TBL1Y: variants seen among roughly 807,000 people sequenced by gnomAD.
TBL1Y encodes F-box-like/WD repeat-containing protein TBL1Y.
Under a neutral mutation model 12.0 loss-of-function variants are expected in TBL1Y, and 15 were observed. That is an observed-to-expected ratio of 1.25 (90% confidence interval 0.83 to 1.92). TBL1Y has a LOEUF of 1.92. Among genes scored for constraint, TBL1Y ranks in the 40% most tolerant of loss-of-function variants. TBL1Y has a pLI of 0.00. For synonymous variants in TBL1Y, 53 were observed against 42.6 expected (o/e 1.24, Z -0.95); for missense variants, 148 against 116.7 (o/e 1.27, Z -1.24).
intron 4 of TBL1Y, among the ~76,000 whole-genome samples, chrY:7,015,749 C>T (rs1028828558): frequency 3.9e-4 from 13 of 33,572 alleles, no homozygotes; most frequent in African/African-American, 1.5e-3. Flanking sequence ...ATTTAACCCA[C>T]TGTTGCCAAT....
At chrY:7,060,444 G>T (rs2012854328) in intron 7 of TBL1Y, among the ~76,000 whole-genome samples, 1 of 29,499 alleles carries the variant, frequency 3.4e-5, no homozygotes, top group Admixed American at 3.1e-4. Context: ...TTTATTTTAG[G>T]ACAAGAATTT....
At chrY:7,079,049 C>G in intron 13 of TBL1Y, among the ~76,000 whole-genome samples, 1 of 33,792 alleles carries the variant, frequency 3.0e-5, no homozygotes, top group Non-Finnish European at 7.3e-5. Flanking sequence ...CCCCACCACT[C>G]TCTGCTAGAG....
intron 2 of TBL1Y, among the ~76,000 whole-genome samples, chrY:6,945,545 A>G (rs2011979285): frequency 3.1e-5 from 1 of 32,683 alleles, no homozygotes; most frequent in Non-Finnish European, 7.5e-5. Flanking sequence ...AATAGCTTGG[A>G]CTACAGGCAC....
At chrY:6,958,717 C>T in intron 2 of TBL1Y, among the ~76,000 whole-genome samples, 1 of 33,935 alleles carries the variant, frequency 2.9e-5, no homozygotes, top group Non-Finnish European at 7.3e-5. Flanking sequence ...TATGACTGGA[C>T]GTGTACGTAA....
intron 3 of TBL1Y, among the ~76,000 whole-genome samples, chrY:6,991,788 A>G (rs2012365954): frequency 2.9e-5 from 1 of 34,063 alleles, no homozygotes; most frequent in Non-Finnish European, 7.3e-5. Context: ...CAGTGTTACT[A>G]GTCTTTTACA....
At chrY:6,938,036 C>G in intron 2 of TBL1Y, among the ~76,000 whole-genome samples, 1 of 33,548 alleles carries the variant, frequency 3.0e-5, no homozygotes, top group Non-Finnish European at 7.4e-5. Flanking sequence ...CCCAAAGCCA[C>G]AACCCTGAAT....
chrY:6,960,964 C>T, intron 2 of TBL1Y, among the ~76,000 whole-genome samples: 1 of 33,442 alleles, frequency 3.0e-5, no homozygotes, highest in Admixed American at 2.7e-4. Flanking sequence ...CATTAAGCAT[C>T]CTGGTGCTTT....
At chrY:7,069,920 G>C in intron 8 of TBL1Y, among the ~76,000 whole-genome samples, 3 of 33,050 alleles carry the variant, frequency 9.1e-5, no homozygotes, top group Admixed American at 8.3e-4. Context: ...GCAGTTTACT[G>C]TCCTTGACCT....
chrY:7,071,698 G>T (rs1455035772), intron 11 of TBL1Y, 35 bp from the exon 12 acceptor site: 1 of 393,901 alleles, frequency 2.5e-6, no homozygotes. Context: ...AACAGACCAT[G>T]ACAACAGAAT....
chrY:6,932,495 C>T, intron 2 of TBL1Y, among the ~76,000 whole-genome samples: 1 of 33,458 alleles, frequency 3.0e-5, no homozygotes, highest in Non-Finnish European at 7.4e-5. Flanking sequence ...TGTTTTGAGA[C>T]AAGAGTCTCA....
chrY:7,087,495 G>A, intron 17 of TBL1Y, 63 bp downstream of exon 17: 1 of 357,934 alleles, frequency 2.8e-6, no homozygotes, highest in Admixed American at 7.9e-5. Flanking sequence ...CTATTCCAGT[G>A]TCTCTGGTTC....
intron 2 of TBL1Y, among the ~76,000 whole-genome samples, chrY:6,913,069 T>G: frequency 3.1e-5 from 1 of 32,337 alleles, no homozygotes; most frequent in Non-Finnish European, 7.5e-5. Flanking sequence ...AAGCCCTGTT[T>G]TGGGGACTTT....
chrY:7,040,708 A>G, intron 6 of TBL1Y, among the ~76,000 whole-genome samples: 1 of 34,135 alleles, frequency 2.9e-5, no homozygotes, highest in East Asian at 7.8e-4. Flanking sequence ...CACATAGCCT[A>G]TGGTTCACAT....
chrY:6,984,079 T>C (rs1056576861), intron 3 of TBL1Y, among the ~76,000 whole-genome samples: 2 of 33,212 alleles, frequency 6.0e-5, no homozygotes, highest in Admixed American at 5.4e-4. Flanking sequence ...GATCTTTCTA[T>C]GAGCTGCCCC....
intron 6 of TBL1Y, among the ~76,000 whole-genome samples, chrY:7,025,727 C>A (rs2124153372): frequency 1.2e-4 from 4 of 33,680 alleles, no homozygotes; most frequent in Admixed American, 1.1e-3. Flanking sequence ...GTTATAGTTA[C>A]ATTTGCACTG....
intron 7 of TBL1Y, among the ~76,000 whole-genome samples, chrY:7,062,956 C>A: frequency 2.9e-5 from 1 of 33,944 alleles, no homozygotes; most frequent in Non-Finnish European, 7.3e-5. Flanking sequence ...TTTCCCTGGT[C>A]TGTGCACAGA....
intron 7 of TBL1Y, among the ~76,000 whole-genome samples, chrY:7,055,940 C>A: frequency 3.0e-5 from 1 of 33,553 alleles, no homozygotes; most frequent in Non-Finnish European, 7.3e-5. Flanking sequence ...CCTTTCAATT[C>A]TTCCTTGTTT....
chrY:7,029,603 T>C (rs752304928), intron 6 of TBL1Y, among the ~76,000 whole-genome samples: 3 of 34,024 alleles, frequency 8.8e-5, no homozygotes, highest in Non-Finnish European at 1.5e-4. Flanking sequence ...GGGAAAATAC[T>C]GTCTAAAGAG....
intron 7 of TBL1Y, among the ~76,000 whole-genome samples, chrY:7,063,321 C>G: frequency 2.9e-5 from 1 of 34,043 alleles, no homozygotes; most frequent in Non-Finnish European, 7.3e-5. Flanking sequence ...AGCGCACACT[C>G]GGACAAGGGA....
Sources: allele counts gnomAD v4.1 joint callset (sites outside exome capture counted in the v4.1 genomes callset), GRCh38; gene constraint gnomAD v4.1.1; transcripts MANE v1.5; gene names NCBI Gene and HGNC (gene_info 2026-07-23, HGNC 2026-07-21).